Variants in EEFSEC observed in about 807,000 individuals in gnomAD.
EEFSEC encodes the protein eukaryotic elongation factor, selenocysteine-tRNA specific, also known as selenocysteine-specific elongation factor.
EEFSEC carries 43 observed loss-of-function variants against 42.1 expected under a neutral mutation model. That is an observed-to-expected ratio of 1.02 (90% CI 0.80 to 1.32). The LOEUF is 1.32. EEFSEC is among the 40% of genes most tolerant of loss of function. EEFSEC has a pLI of 0.00. For missense variants in EEFSEC, 745 were observed against 803.6 expected (o/e 0.93, Z 0.88); for synonymous variants, 354 against 339.1 (o/e 1.04, Z -0.48).
At chr3:128,386,188 G>A (rs985525495) in intron 6 of EEFSEC, among the ~76,000 whole-genome samples, 1 of 152,134 alleles carries the variant, frequency 6.6e-6, no homozygotes, top group South Asian at 2.1e-4. Flanking sequence ...GAAGTCCTGG[G>A]GGAGATTTGA....
chr3:128,362,229 A>G (rs1189515795), intron 6 of EEFSEC: 1 of 526,768 alleles, frequency 1.9e-6, no homozygotes, highest in South Asian at 1.4e-5. Flanking sequence ...TCACTCACAG[A>G]GGCAGGCTGG....
At chr3:128,185,662 A>G (rs933180389) in intron 1 of EEFSEC, among the ~76,000 whole-genome samples, 6 of 152,146 alleles carry the variant, frequency 3.9e-5, no homozygotes, top group African/African-American at 1.4e-4. Flanking sequence ...CTTGGGCTCA[A>G]GCAATCCTCC....
chr3:128,189,076 A>G (rs1446626258), intron 1 of EEFSEC, among the ~76,000 whole-genome samples: 1 of 152,168 alleles, frequency 6.6e-6, no homozygotes, highest in African/African-American at 2.4e-5. Context: ...ACAGCAAGAC[A>G]GGCACTGCTA....
chr3:128,266,486 A>G (rs1187727044), intron 4 of EEFSEC, among the ~76,000 whole-genome samples: 1 of 152,004 alleles, frequency 6.6e-6, no homozygotes, highest in African/African-American at 2.4e-5. Context: ...CCCCCAGCTC[A>G]TTTTACAGCA....
chr3:128,215,252 T>A (rs948496108), intron 1 of EEFSEC, among the ~76,000 whole-genome samples: 1 of 152,168 alleles, frequency 6.6e-6, no homozygotes, highest in Non-Finnish European at 1.5e-5. Flanking sequence ...CTTTTGTGTC[T>A]CTCTGCCTGC....
At chr3:128,415,885 G>A in the EEFSEC span, among the ~76,000 whole-genome samples, 2 of 152,320 alleles carry the variant, frequency 1.3e-5, no homozygotes, top group Non-Finnish European at 2.9e-5. Context: ...GCAGGGGAGG[G>A]GTTGGTCCTC....
chr3:128,341,448 G>T lies in EEFSEC; in HGVS notation c.1002G>T (p.Lys334Asn). The change falls in exon 5 of 7, where the codon AAG (lysine) becomes AAT (asparagine). Residue 334 changes from lysine to asparagine, a missense_variant. Transcript: ENST00000254730. ...GGGGGCCCCTGCAAACCAAGGCCAA[G>T]TTCCACATTACAGTGGGCCATGAAA... ...YFRGPLQTKA[K>N]FHITVGHETV... 6.2e-7 allele frequency: 1 copy of T among 1,614,176 alleles called. No individual in the cohort carries two copies. The highest frequency in any genetic ancestry group is 8.5e-7 in the Non-Finnish European group (1 of 1,180,040).
chr3:128,359,621 C>T (rs1047743758), intron 6 of EEFSEC, among the ~76,000 whole-genome samples: 5 of 152,184 alleles, frequency 3.3e-5, no homozygotes, highest in Non-Finnish European at 7.3e-5. Context: ...TTTCATAATA[C>T]AGTAAAAATT....
rs991724561 is a variant in EEFSEC, at chr3:128,341,637, G to T, written c.1191G>T (p.Lys397Asn). Residue 397 changes from lysine (K) to asparagine (N), a missense_variant, in exon 5 of 7, where the codon AAG (lysine) becomes AAT (asparagine). Coordinates refer to ENST00000254730, the MANE Select transcript of EEFSEC (RefSeq NM_021937.5). The part of the protein sequence containing the change: ...AVTDNDEADK[K>N]AGQATEGHCP... ...CAGACAATGATGAGGCCGACAAGAAGGCCGGCCAGGCCACAGAGGGCCATT... is the reference window on the plus strand; with the variant it reads ...CAGACAATGATGAGGCCGACAAGAATGCCGGCCAGGCCACAGAGGGCCATT... The T allele has an allele frequency of 2.5e-6, 4 of 1,613,976 alleles. No individual in the cohort carries two copies. The highest frequency in any genetic ancestry group is 3.4e-6 in the Non-Finnish European group (4 of 1,180,048).
At chr3:128,421,321 G>A in the EEFSEC span, among the ~76,000 whole-genome samples, 2 of 152,210 alleles carry the variant, frequency 1.3e-5, no homozygotes, top group Non-Finnish European at 2.9e-5. Context: ...CACTTGCCCT[G>A]GTATCCCAGC....
In EEFSEC at chr3:128,321,234, C is replaced by G. The variant is rs1158742544; in HGVS notation, c.787-19999C>G. ...TCCCGGGATGGGCTGGGGCAAGGAG[C>G]TGAGCCAGGGCCCTGTCAGAGCTGG... On this transcript the variant is annotated intron_variant, in intron 4 of 6. Coordinates refer to ENST00000254730, the MANE Select transcript of EEFSEC (RefSeq NM_021937.5). Among the ~76,000 whole-genome samples the G allele has an allele frequency of 2.0e-5, 3 of 152,104 alleles. No homozygotes were observed. The East Asian group carries it at 5.8e-4, about 29-fold the overall frequency.
intron 1 of EEFSEC, among the ~76,000 whole-genome samples, chr3:128,213,261 A>G (rs2065777770): frequency 6.6e-6 from 1 of 152,180 alleles, no homozygotes; most frequent in Non-Finnish European, 1.5e-5. Flanking sequence ...GGGATTGATG[A>G]TACCCCTGGT....
chr3:128,180,985 G>C (rs898682739), intron 1 of EEFSEC, among the ~76,000 whole-genome samples: 1 of 152,182 alleles, frequency 6.6e-6, no homozygotes, highest in African/African-American at 2.4e-5. Flanking sequence ...TGGAGACCTC[G>C]GAAATTTGAG....
intron 4 of EEFSEC, among the ~76,000 whole-genome samples, chr3:128,282,234 G>A (rs1195622782): frequency 6.6e-6 from 1 of 152,216 alleles, no homozygotes; most frequent in African/African-American, 2.4e-5. Flanking sequence ...CACTGGTGGT[G>A]GGAAGTGGGT....
At chr3:128,416,968 G>A in the EEFSEC span, among the ~76,000 whole-genome samples, 1 of 152,072 alleles carries the variant, frequency 6.6e-6, no homozygotes, top group Non-Finnish European at 1.5e-5. Flanking sequence ...CTCAGAGAGC[G>A]ATCGTGGTGG....
At chr3:128,153,959 A>G in intron 1 of EEFSEC, 136 bp downstream of exon 1, 1 of 1,298,452 alleles carries the variant, frequency 7.7e-7, no homozygotes, top group Middle Eastern at 2.8e-4. Context: ...ACGCCCCAAG[A>G]GGCGGACGTG....
Position 128,348,271 on chromosome 3 carries a change from C to CGTGT in EEFSEC, c.1443+6384_1443+6387dup, listed in dbSNP as rs71618139. Among the ~76,000 whole-genome samples, 3 of 147,818 alleles carry CGTGT rather than the reference C, an allele frequency of 2.0e-5. No individual in the cohort carries two copies. In the East Asian group the frequency reaches 6.0e-4, roughly 29 times the overall value. On this transcript the variant is annotated intron_variant, in intron 5 of 6. Coordinates refer to ENST00000254730, the MANE Select transcript of EEFSEC (RefSeq NM_021937.5). Reference sequence around the variant, plus strand: ...GTGCATGCGTGTGTGTGTGTGTGTGCGTGTGCGTGTGTGTGTGTGTGCGTG... The same window carrying CGTGT: ...GTGCATGCGTGTGTGTGTGTGTGTGCGTGTGTGTGCGTGTGTGTGTGTGTGCGTG...
At chr3:128,233,787 G>A (rs2065981917) in intron 1 of EEFSEC, among the ~76,000 whole-genome samples, 1 of 152,116 alleles carries the variant, frequency 6.6e-6, no homozygotes, top group Non-Finnish European at 1.5e-5. Flanking sequence ...TGAGTTGGAG[G>A]TTTGGGTTCT....
At chr3:128,399,681 T>C (rs1479338238) in intron 6 of EEFSEC, among the ~76,000 whole-genome samples, 1 of 150,448 alleles carries the variant, frequency 6.6e-6, no homozygotes, top group Non-Finnish European at 1.5e-5. Flanking sequence ...GATTCCAGAG[T>C]CGCTGTCACT....
Sources: gnomAD v4.1 joint callset for allele counts (sites outside exome capture counted in the v4.1 genomes callset) on GRCh38, gnomAD v4.1.1 for gene constraint, MANE v1.5 for transcripts, NCBI Gene and HGNC (gene_info 2026-07-23, HGNC 2026-07-21) for gene names.